IRAK2: variants seen among roughly 807,000 people sequenced by gnomAD.
IRAK2 encodes interleukin 1 receptor associated kinase 2.
Under a neutral mutation model 72.0 loss-of-function variants are expected in IRAK2, and 57 were observed. The ratio of observed to expected loss-of-function variants is 0.79; its 90% confidence interval spans 0.64 to 0.99. The LOEUF is 0.99. Ranked by LOEUF, IRAK2 falls within the 50% of genes least tolerant of loss-of-function variation. The probability of loss-of-function intolerance (pLI) is 0.00; values close to 1 mark genes in which losing one functional copy is unlikely to be tolerated. For synonymous variants in IRAK2, 293 were observed against 312.7 expected, an observed-to-expected ratio of 0.94 and a Z score of 0.67; for missense variants, 790 against 794.4, an observed-to-expected ratio of 0.99 and a Z score of 0.07.
intron 2 of IRAK2, among the ~76,000 whole-genome samples, chr3:10,198,114 G>T (rs899342756): frequency 6.6e-6 from 1 of 152,134 alleles, no homozygotes; most frequent in African/African-American, 2.4e-5. Context: ...CAGGAGAATG[G>T]CGTGAGCCCG....
intron 2 of IRAK2, among the ~76,000 whole-genome samples, chr3:10,178,568 T>C (rs1696914520): frequency 6.6e-6 from 1 of 152,132 alleles, no homozygotes; most frequent in Non-Finnish European, 1.5e-5. Flanking sequence ...TTACTGTAAA[T>C]TATTTCATAC....
chr3:10,239,159 A>C (rs1575994109), intron 12 of IRAK2, 120 bp downstream of exon 12: 2 of 944,060 alleles, frequency 2.1e-6, no homozygotes. Flanking sequence ...CCATTCACCA[A>C]CCAGCCAGTT....
intron 1 of IRAK2, among the ~76,000 whole-genome samples, chr3:10,176,024 G>T (rs185857100): frequency 6.6e-6 from 1 of 151,530 alleles, no homozygotes. Flanking sequence ...CCTTAGGAGG[G>T]TGGTGAGATG....
At chr3:10,205,700 C>G (rs1697424112) in intron 3 of IRAK2, among the ~76,000 whole-genome samples, 1 of 152,166 alleles carries the variant, frequency 6.6e-6, no homozygotes, top group Admixed American at 6.6e-5. Flanking sequence ...GGTGTTAGCA[C>G]AAATATAGAT....
rs779962443 is a variant in IRAK2 at position 10,222,645 on chromosome 3, C to G, written c.1023C>G (p.Val341=). ...CCTTTCATTTCCACAGCTCTAATGT[C>G]TTGCTGGACCAAAATCTCACCCCCA... is the stretch of plus-strand genomic sequence containing the variant. The part of the protein sequence containing the change: ...IIHSNVKSSN[V]LLDQNLTPKL... The change falls in exon 9 of 13, where the codon GTC becomes GTG. Residue 341 remains valine (V), a synonymous_variant. Coordinates refer to ENST00000256458, the MANE Select transcript of IRAK2 (RefSeq NM_001570.4). The G allele has an allele frequency of 1.9e-6, 3 of 1,613,846 alleles. No homozygotes were observed. The highest frequency in any genetic ancestry group is 1.7e-6 in the Non-Finnish European group (2 of 1,179,856).
At chr3:10,228,596 G>A (rs981661888) in intron 10 of IRAK2, among the ~76,000 whole-genome samples, 7 of 152,196 alleles carry the variant, frequency 4.6e-5, no homozygotes, top group African/African-American at 1.7e-4. Context: ...TTCTAAAAAT[G>A]TGGAAAATAA....
chr3:10,179,335 G>C (rs2675485), intron 2 of IRAK2, among the ~76,000 whole-genome samples: 2 of 149,372 alleles, frequency 1.3e-5, no homozygotes, highest in Non-Finnish European at 3.0e-5. Context: ...GCAGTGGCAC[G>C]ATCTTGGCTC....
chr3:10,192,875 T>C (rs1371541438), intron 2 of IRAK2, among the ~76,000 whole-genome samples: 1 of 152,172 alleles, frequency 6.6e-6, no homozygotes, highest in Non-Finnish European at 1.5e-5. Flanking sequence ...GCAGAGATCG[T>C]GCCACTGTAC....
rs9821811 is a variant in IRAK2 at position 10,237,533 on chromosome 3, T to C, written c.1474-1215T>C. Among the ~76,000 whole-genome samples the C allele has an allele frequency of 5.2e-3, 795 of 151,974 alleles. 8 individuals carry two copies. Among genetic ancestry groups the C allele is most frequent in the African/African-American group, 0.018 (735 of 41,464 alleles). The stretch of plus-strand genomic sequence containing the variant: ...TGAAATGGATACATTAGTGGCCGGG[T>C]GCGGTGGCTCACGCCTGTAATCTCA... On this transcript the variant is annotated intron_variant, in intron 11 of 12. Coordinates refer to ENST00000256458, the MANE Select transcript of IRAK2 (RefSeq NM_001570.4).
chr3:10,204,183 T>C (rs1697404855), intron 3 of IRAK2, among the ~76,000 whole-genome samples: 1 of 152,218 alleles, frequency 6.6e-6, no homozygotes, highest in African/African-American at 2.4e-5. Context: ...CAGCTCTTTT[T>C]ACCTGGACAA....
chr3:10,165,004 G>A lies in IRAK2; in HGVS notation c.50G>A (p.Cys17Tyr). 6.2e-7 allele frequency: 1 copy of A among 1,611,858 alleles called. No homozygotes were observed. Among genetic ancestry groups the A allele is most frequent in the South Asian group, 1.1e-5 (1 of 90,978 alleles). ...QLPSWVLDDL[C>Y]RNMDALSEWD... ...CCCTCCTGGGTGCTGGACGACCTGT[G>A]CCGCAACATGGACGCGCTCAGCGAG... The change falls in exon 1 of 13, where the codon TGC becomes TAC. Residue 17 changes from cysteine to tyrosine, a missense_variant. By Grantham distance (194) the Cys-to-Tyr change is radical. Coordinates refer to ENST00000256458, the MANE Select transcript of IRAK2 (RefSeq NM_001570.4).
At chr3:10,195,974 G>C (rs1296038554) in intron 2 of IRAK2, among the ~76,000 whole-genome samples, 2 of 152,090 alleles carry the variant, frequency 1.3e-5, no homozygotes, top group African/African-American at 2.4e-5. Context: ...TGGGAGTGGC[G>C]GGGGGTAGCC....
chr3:10,182,425 G>A (rs1696974149), intron 2 of IRAK2, among the ~76,000 whole-genome samples: 1 of 151,968 alleles, frequency 6.6e-6, no homozygotes. Context: ...TGGGACTACA[G>A]GTGCCCGCCA....
rs186431561 is a variant in IRAK2 at position 10,165,160 on chromosome 3, C to T, written c.94+112C>T. 589 of 861,040 alleles carry T rather than the reference C, an allele frequency of 6.8e-4. 1 individual carries two copies. The highest frequency in any genetic ancestry group is 9.5e-4 in the Non-Finnish European group (521 of 549,538). The allele number at this position is 861,040 out of a possible 1,614,324, so 53.3% of individuals were successfully genotyped here. On this transcript the variant is annotated intron_variant, in intron 1 of 12. Coordinates refer to ENST00000256458, the MANE Select transcript of IRAK2 (RefSeq NM_001570.4). ...CACCCGGGTTCAGCGGGTCCCGATC[C>T]GAGGGCGTGCGAGCTGAGCCTCCTG... is the stretch of plus-strand genomic sequence containing the variant.
chr3:10,239,332 T>C (rs1698016376), intron 12 of IRAK2, among the ~76,000 whole-genome samples: 1 of 152,186 alleles, frequency 6.6e-6, no homozygotes, highest in Admixed American at 6.6e-5. Flanking sequence ...CTCAGGGGAC[T>C]GCATAGCTTC....
chr3:10,180,927 G>A (rs1390186573), intron 2 of IRAK2, among the ~76,000 whole-genome samples: 1 of 152,110 alleles, frequency 6.6e-6, no homozygotes, highest in African/African-American at 2.4e-5. Flanking sequence ...AACTTTCCAG[G>A]CCCTCCTGTC....
chr3:10,210,538 C>T (rs979326358), intron 4 of IRAK2, among the ~76,000 whole-genome samples: 4 of 152,058 alleles, frequency 2.6e-5, no homozygotes, highest in East Asian at 1.9e-4. Context: ...GAGCCTAGAC[C>T]CTTTGCATCC....
chr3:10,183,749 G>T lies in IRAK2; in HGVS notation c.277+5729G>T, dbSNP rs561614370. 1.3e-4 allele frequency among the ~76,000 whole-genome samples: 18 copies of T among 140,386 alleles called. No homozygotes were observed. The South Asian group carries it at 3.5e-3, about 27-fold the overall frequency. 92.1% of individuals were successfully genotyped at this position (140,386 alleles called of 152,430 possible). On this transcript the variant is annotated intron_variant, in intron 2 of 12. Transcript: ENST00000256458. ...TAAATAAATAAATAAATAAATAAGA[G>T]AATTAGAATAAATCAGTACAGAAGG...
At chr3:10,210,303 C>T (rs1463317400) in intron 4 of IRAK2, among the ~76,000 whole-genome samples, 2 of 152,014 alleles carry the variant, frequency 1.3e-5, no homozygotes, top group African/African-American at 4.8e-5. Flanking sequence ...ATGGCTTCAG[C>T]CCAGGAGGCA....
Sources: gnomAD v4.1 joint callset for allele counts (sites outside exome capture counted in the v4.1 genomes callset) on GRCh38, gnomAD v4.1.1 for gene constraint, MANE v1.5 for transcripts, NCBI Gene and HGNC (gene_info 2026-07-23, HGNC 2026-07-21) for gene names.